PARP8: variants seen among roughly 807,000 people sequenced by gnomAD.
PARP8 encodes protein mono-ADP-ribosyltransferase PARP8.
Under a neutral mutation model 124.1 loss-of-function variants are expected in PARP8, and 51 were observed. That is an observed-to-expected ratio of 0.41 (90% confidence interval 0.33 to 0.52). The LOEUF (loss-of-function observed/expected upper bound fraction) is 0.52, where lower values mean the gene tolerates loss of function less well. Among genes scored for constraint, PARP8 ranks in the 20% least tolerant of loss-of-function variants. The pLI is 0.21. For synonymous variants in PARP8, 391 were observed against 361.5 expected, an observed-to-expected ratio of 1.08 and a Z score of -0.93; for missense variants, 860 against 1,018.9, an observed-to-expected ratio of 0.84 and a Z score of 2.12.
chr5:50,812,437 G>T (rs900830182), intron 14 of PARP8, among the ~76,000 whole-genome samples: 1 of 152,166 alleles, frequency 6.6e-6, no homozygotes, highest in African/African-American at 2.4e-5. Context: ...TTTTGTTGGG[G>T]TTGTTTGATT....
chr5:50,770,837 C>T (rs1761549526), intron 7 of PARP8, among the ~76,000 whole-genome samples: 1 of 152,016 alleles, frequency 6.6e-6, no homozygotes, highest in Non-Finnish European at 1.5e-5. Context: ...TTGTGGTACC[C>T]TGAACTAGAG....
intron 3 of PARP8, among the ~76,000 whole-genome samples, chr5:50,755,781 AT>A (rs573240816): frequency 5.9e-5 from 9 of 152,228 alleles, no homozygotes; most frequent in African/African-American, 1.9e-4. Flanking sequence ...CAATATGGCC[AT>A]TTTCACGATA....
chr5:50,763,935 T>C (rs1760807691), intron 7 of PARP8, among the ~76,000 whole-genome samples: 1 of 152,322 alleles, frequency 6.6e-6, no homozygotes, highest in East Asian at 1.9e-4. Context: ...CTGACCTCAG[T>C]CTGGCCCCTT....
At chr5:50,771,095 C>G (rs1206411199) in intron 7 of PARP8, among the ~76,000 whole-genome samples, 2 of 148,162 alleles carry the variant, frequency 1.3e-5, no homozygotes, top group South Asian at 2.1e-4. Context: ...GAAATGTGCT[C>G]TCTCTCTCTA....
chr5:50,733,242 C>T (rs191747015), intron 2 of PARP8, among the ~76,000 whole-genome samples: 7 of 151,320 alleles, frequency 4.6e-5, no homozygotes, highest in Admixed American at 3.3e-4. Flanking sequence ...TGCAGTGAGC[C>T]GAGATCGCGC....
Position 50,791,402 on chromosome 5 carries a change from A to T in PARP8, c.738-2805A>T, listed in dbSNP as rs150470912. On this transcript the variant is annotated intron_variant, in intron 10 of 25. Coordinates refer to ENST00000281631, the MANE Select transcript of PARP8 (RefSeq NM_024615.4). The stretch of plus-strand genomic sequence containing the variant: ...TTCACAGTCACACAGCGAGAAAGTG[A>T]TAGAGTCAGAATTTGACTCCAAATC... Among the ~76,000 whole-genome samples, 189 of 152,300 alleles carry T rather than the reference A, an allele frequency of 1.2e-3. 1 individual carries two copies. Among genetic ancestry groups the T allele is most frequent in the African/African-American group, 4.4e-3 (181 of 41,578 alleles).
chr5:50,709,955 T>TATATATATATATATATACAC, intron 2 of PARP8, among the ~76,000 whole-genome samples: 1 of 103,322 alleles, frequency 9.7e-6, no homozygotes, highest in Admixed American at 1.1e-4. Flanking sequence ...TATATATATA[T>TATATATATATATATATACAC]ACACATACAT....
intron 22 of PARP8, among the ~76,000 whole-genome samples, chr5:50,830,237 T>C (rs1402030205): frequency 6.6e-6 from 1 of 152,172 alleles, no homozygotes; most frequent in African/African-American, 2.4e-5. Context: ...GACTATAATA[T>C]ATGCAAAGCA....
At chr5:50,696,904 C>G (rs565874649) in intron 2 of PARP8, among the ~76,000 whole-genome samples, 55 of 152,206 alleles carry the variant, frequency 3.6e-4, no homozygotes, top group African/African-American at 1.3e-3. Context: ...CTGTTCTTGC[C>G]TTGGGTGTTC....
rs138025623 is a variant in PARP8 at position 50,729,120 on chromosome 5, A to G, written c.147-21031A>G. On this transcript the variant is annotated intron_variant, in intron 2 of 25. Coordinates refer to ENST00000281631, the MANE Select transcript of PARP8 (RefSeq NM_024615.4). The stretch of plus-strand genomic sequence containing the variant: ...GAAAATCTCATTCACCTAACAAAAT[A>G]AAACTAGATAAATTTTTGTTTTCCT... 3.0e-4 allele frequency among the ~76,000 whole-genome samples: 46 copies of G among 152,284 alleles called. 2 individuals are homozygous for G. The East Asian group carries it at 7.5e-3, about 25-fold the overall frequency.
chr5:50,725,203 C>G (rs1756309908), intron 2 of PARP8, among the ~76,000 whole-genome samples: 1 of 151,352 alleles, frequency 6.6e-6, no homozygotes, highest in South Asian at 2.1e-4. Context: ...TTGATGGGCA[C>G]TTAGATTGGT....
rs10035164 is a variant in PARP8, at chr5:50,806,828, G to A, written c.1576-8604G>A. On this transcript the variant is annotated intron_variant, in intron 14 of 25. Transcript: ENST00000281631. ...GCAATATATTTTGCTGTAAATTCAA[G>A]AGTAATGTATAAAAATAATATATAA... is the stretch of plus-strand genomic sequence containing the variant. Among the ~76,000 whole-genome samples, 1,059 of 152,032 alleles carry A rather than the reference G, an allele frequency of 7.0e-3. 8 individuals carry two copies. Among genetic ancestry groups the A allele is most frequent in the East Asian group, 0.039 (203 of 5,178 alleles).
At position 50,824,952 on chromosome 5, in the gene PARP8, C is replaced by T. The variant is rs764434268; in HGVS notation, c.1905C>T (p.Pro635=). The T allele has an allele frequency of 6.2e-7, 1 of 1,612,872 alleles. No individual in the cohort carries two copies. Residue 635 remains proline (P), a synonymous_variant, in exon 18 of 26, where the codon CCC becomes CCT. Transcript: ENST00000281631. ...EIKKQMDKQD[P]LAHPLLQWVI... is the part of the protein sequence containing the mutation. ...AGAAGCAAATGGATAAACAGGACCCCCTTGCTCATCCCTTACTGCAATGGT... is the reference window on the plus strand; with the variant it reads ...AGAAGCAAATGGATAAACAGGACCCTCTTGCTCATCCCTTACTGCAATGGT...
intron 2 of PARP8, 57 bp from the exon 3 acceptor site, chr5:50,750,093 TA>T: frequency 7.4e-7 from 1 of 1,347,336 alleles, no homozygotes; most frequent in Non-Finnish European, 1.0e-6. Flanking sequence ...CTTTTTTTTA[TA>T]AAAGCCTGTC....
chr5:50,751,816 A>G (rs1162889938), intron 3 of PARP8, among the ~76,000 whole-genome samples: 1 of 152,114 alleles, frequency 6.6e-6, no homozygotes, highest in South Asian at 2.1e-4. Flanking sequence ...TAGTATTTTT[A>G]TGGAGCTTTC....
At chr5:50,729,633 C>T (rs1756777797) in intron 2 of PARP8, among the ~76,000 whole-genome samples, 2 of 152,152 alleles carry the variant, frequency 1.3e-5, no homozygotes, top group African/African-American at 4.8e-5. Flanking sequence ...AAAGCTTACT[C>T]TTTCTGAGTT....
chr5:50,826,627 A>T, intron 18 of PARP8, 128 bp from the exon 19 acceptor site: 1 of 1,182,088 alleles, frequency 8.5e-7, no homozygotes, highest in Non-Finnish European at 1.1e-6. Flanking sequence ...TTATGCGACT[A>T]AATGAAATTA....
chr5:50,832,904 A>C (rs773740042), intron 23 of PARP8, 50 bp downstream of exon 23: 3 of 1,536,756 alleles, frequency 2.0e-6, no homozygotes, highest in Non-Finnish European at 2.7e-6. Flanking sequence ...CTGTGGCCTC[A>C]TCAGCCAGCA....
At chr5:50,775,118 C>T (rs1468347021) in intron 7 of PARP8, among the ~76,000 whole-genome samples, 18 of 151,740 alleles carry the variant, frequency 1.2e-4, no homozygotes, top group East Asian at 1.9e-4. Flanking sequence ...AGACGATGGG[C>T]GGCCAGGCAG....
Sources: allele counts gnomAD v4.1 joint callset (sites outside exome capture counted in the v4.1 genomes callset), GRCh38; gene constraint gnomAD v4.1.1; transcripts MANE v1.5; gene names NCBI Gene and HGNC (gene_info 2026-07-23, HGNC 2026-07-21).